The following EPHB4 variants were observed in gnomAD, a reference collection of about 807,000 sequenced individuals.
The protein encoded by EPHB4 is EPH receptor B4, also known as ephrin type-B receptor 4.
EPHB4 carries 50 observed loss-of-function variants against 110.6 expected under a neutral mutation model. That is an observed-to-expected ratio of 0.45 (90% CI 0.36 to 0.57). The LOEUF (loss-of-function observed/expected upper bound fraction) is 0.57, where lower values mean the gene tolerates loss of function less well. Ranked by LOEUF, EPHB4 falls within the 20% of genes least tolerant of loss-of-function variation. The pLI is 0.00. For synonymous variants in EPHB4, 592 were observed against 578.4 expected (o/e 1.02, Z -0.34); for missense variants, 1,128 against 1,382.1 (o/e 0.82, Z 2.91).
In EPHB4 at chr7:100,822,704, A is replaced by C; in HGVS notation, c.412-37T>G. On this transcript the variant is annotated intron_variant, in intron 3 of 16. Transcript: ENST00000358173. The surrounding 1 kb of genome is among the most constrained non-coding windows in gnomAD (Gnocchi z 4.7). Reference sequence around the variant, plus strand: ...GGGGAGGCACACCGCTGCTGTCCCCACTCCCTGAGGACCCAGCGGACTGTT... The same window carrying C: ...GGGGAGGCACACCGCTGCTGTCCCCCCTCCCTGAGGACCCAGCGGACTGTT... 1 of 1,496,200 alleles carries C rather than the reference A, an allele frequency of 6.7e-7. No homozygotes were observed. Among genetic ancestry groups the C allele is most frequent in the Non-Finnish European group, 8.9e-7 (1 of 1,118,928 alleles). 92.7% of individuals were successfully genotyped at this position (1,496,200 alleles called of 1,614,324 possible).
In EPHB4 at chr7:100,822,536, C is replaced by T; in HGVS notation, c.543G>A (p.Gln181=). ...GGGATAGCAGGGCCATGCAGGCACC[C>T]TGGTCCTGGAAGGCCAGGTAGAAGC... ...KAGFYLAFQD[Q]GACMALLSLH... Residue 181 remains glutamine (Q), a synonymous_variant, in exon 4 of 17, where the codon CAG becomes CAA. Coordinates refer to ENST00000358173, the MANE Select transcript of EPHB4 (RefSeq NM_004444.5). The surrounding 1 kb of genome is among the most constrained non-coding windows in gnomAD (Gnocchi z 4.7). 6.2e-7 allele frequency: 1 copy of T among 1,613,404 alleles called. No homozygotes were observed. Among genetic ancestry groups the T allele is most frequent in the African/African-American group, 1.3e-5 (1 of 75,064 alleles).
chr7:100,823,747 G>A lies in EPHB4; in HGVS notation c.308C>T (p.Ala103Val), dbSNP rs1813300839. Residue 103 changes from alanine (A) to valine (V), a missense_variant, in exon 3 of 17, where the codon GCT becomes GTT. Ala to Val is a moderately conservative substitution (Grantham distance 64). Around this residue, in one of 3 missense-constraint regions of EPHB4, gnomAD observed 728 missense variants for 828.6 expected, o/e 0.88. Coordinates refer to ENST00000358173, the MANE Select transcript of EPHB4 (RefSeq NM_004444.5). ...GAAGGTCTCCTTGCAGGAGCGCCCA[G>A]CCCGAGGCAGGGACAGGCACTCGAG... Reference protein sequence around the residue: ...TMLECLSLPRAGRSCKETFTV... With the variant: ...TMLECLSLPRVGRSCKETFTV... 2.5e-6 allele frequency: 4 copies of A among 1,613,624 alleles called. No homozygotes were observed. In the East Asian group the frequency reaches 6.7e-5, roughly 27 times the overall value.
intron 10 of EPHB4, 121 bp from the exon 11 acceptor site, chr7:100,813,329 T>TCC: frequency 5.2e-6 from 4 of 761,954 alleles, no homozygotes; most frequent in Non-Finnish European, 6.0e-6. Context: ...TTTTTTTTTT[T>TCC]CCTGAGATGG....
chr7:100,806,231 A>AT (rs1452736173), intron 14 of EPHB4, 189 bp downstream of exon 14: 2 of 613,192 alleles, frequency 3.3e-6, no homozygotes, highest in Non-Finnish European at 5.0e-6. Flanking sequence ...AAGTGCTGGG[A>AT]TTACAGGCTT....
chr7:100,824,009 G>C (rs1432612508), intron 2 of EPHB4, 78 bp from the exon 3 acceptor site: 12 of 1,509,352 alleles, frequency 8.0e-6, no homozygotes, highest in Non-Finnish European at 1.1e-5. Context: ...CCTATAAAGT[G>C]AGAGGGACTG....
chr7:100,803,630 C>A, intron 16 of EPHB4, 40 bp from the exon 17 acceptor site: 3 of 1,554,982 alleles, frequency 1.9e-6, no homozygotes, highest in Non-Finnish European at 2.6e-6. Context: ...CCCTAGGTTC[C>A]CTGTGGCCGC....
At chr7:100,807,243 C>T in intron 13 of EPHB4, 122 bp downstream of exon 13, 1 of 998,340 alleles carries the variant, frequency 1.0e-6, no homozygotes, top group Non-Finnish European at 1.5e-6. Flanking sequence ...CCCCCACCCA[C>T]AGCCTGCTCC....
chr7:100,820,728 CAT>C (rs1263366303), intron 4 of EPHB4, among the ~76,000 whole-genome samples: 2 of 152,112 alleles, frequency 1.3e-5, no homozygotes, highest in Non-Finnish European at 2.9e-5. Context: ...TGCAATGAAA[CAT>C]GAGGAAAAAA....
chr7:100,806,000 C>T, intron 14 of EPHB4: 2 of 322,908 alleles, frequency 6.2e-6, no homozygotes, highest in Non-Finnish European at 1.1e-5. Flanking sequence ...CGCTCAGTTG[C>T]CCAGGCTGGA....
At chr7:100,815,993 A>G (rs1383258696) in intron 8 of EPHB4, among the ~76,000 whole-genome samples, 2 of 152,016 alleles carry the variant, frequency 1.3e-5, no homozygotes, top group Non-Finnish European at 2.9e-5. Context: ...TCTCTTAAAA[A>G]AAAGAAAAAG....
chr7:100,824,144 G>C (rs1046214293), intron 2 of EPHB4, 59 bp downstream of exon 2: 2 of 1,609,344 alleles, frequency 1.2e-6, no homozygotes, highest in Non-Finnish European at 8.5e-7. Flanking sequence ...AGGCGGCACA[G>C]GCGCCCTCTC....
intron 8 of EPHB4, among the ~76,000 whole-genome samples, chr7:100,816,059 C>A (rs908096688): frequency 1.3e-5 from 2 of 150,068 alleles, no homozygotes; most frequent in African/African-American, 2.5e-5. Context: ...GAAGCCGAGG[C>A]GGGTGGATCA....
intron 8 of EPHB4, 47 bp from the exon 9 acceptor site, chr7:100,814,068 G>A (rs1311479202): frequency 1.9e-6 from 3 of 1,601,302 alleles, no homozygotes; most frequent in South Asian, 1.1e-5. Flanking sequence ...TGGTCCTGTA[G>A]GAGGCCCCAG....
At chr7:100,823,961 C>T (rs1465548021) in intron 2 of EPHB4, 30 bp from the exon 3 acceptor site, 8 of 1,548,222 alleles carry the variant, frequency 5.2e-6, no homozygotes, top group Non-Finnish European at 6.1e-6. Context: ...AGCAAGGGGG[C>T]TGGGGAGCCG....
intron 12 of EPHB4, among the ~76,000 whole-genome samples, chr7:100,811,204 A>G (rs1301462892): frequency 6.6e-6 from 1 of 151,958 alleles, no homozygotes; most frequent in African/African-American, 2.4e-5. Context: ...GTGAGCCAAG[A>G]ACGCACCACT....
chr7:100,803,705 G>A (rs557325953), intron 16 of EPHB4, 115 bp from the exon 17 acceptor site: 9 of 1,306,734 alleles, frequency 6.9e-6, no homozygotes, highest in East Asian at 5.3e-5. Context: ...AAAAGCCAGC[G>A]GGGGAGGGAG....
At position 100,823,789 on chromosome 7, in the gene EPHB4, G is replaced by A. The variant is rs765193301; in HGVS notation, c.266C>T (p.Thr89Met). Reference sequence around the variant, plus strand: ...GCACTCGAGCATGGTGAAGCGCAGCGTGGCGTACACGTGGACGGCGCCCCG... The same window carrying A: ...GCACTCGAGCATGGTGAAGCGCAGCATGGCGTACACGTGGACGGCGCCCCG... Reference protein sequence around the residue: ...PRRGAVHVYATLRFTMLECLS... With the variant: ...PRRGAVHVYAMLRFTMLECLS... The change falls in exon 3 of 17, where the codon ACG (threonine) becomes ATG (methionine). Residue 89 changes from threonine to methionine, a missense_variant. Thr to Met is a moderately conservative substitution (Grantham distance 81, BLOSUM62 -1). Transcript: ENST00000358173. The A allele has an allele frequency of 1.3e-5, 21 of 1,613,372 alleles. No homozygotes were observed. Among genetic ancestry groups the A allele is most frequent in the East Asian group, 2.2e-5 (1 of 44,888 alleles).
At chr7:100,811,298 G>A (rs1257938317) in intron 12 of EPHB4, among the ~76,000 whole-genome samples, 1 of 150,008 alleles carries the variant, frequency 6.7e-6, no homozygotes, top group Non-Finnish European at 1.5e-5. Flanking sequence ...AAAAAAGTCA[G>A]TAAAATCTGG....
At chr7:100,818,720 C>A (rs1236695435) in intron 6 of EPHB4, 76 bp from the exon 7 acceptor site, 4 of 1,480,642 alleles carry the variant, frequency 2.7e-6, no homozygotes, top group Non-Finnish European at 9.0e-7. Context: ...TTTTTTTTTT[C>A]GAGACGGAGT....
Sources: gnomAD v4.1 joint callset for allele counts (sites outside exome capture counted in the v4.1 genomes callset) on GRCh38, gnomAD v4.1.1 for gene constraint, gnomAD v4.1.1 regional missense constraint, Gnocchi (gnomAD v3.1) non-coding constraint, MANE v1.5 for transcripts, NCBI Gene and HGNC (gene_info 2026-07-23, HGNC 2026-07-21) for gene names.